Variants in FLNB observed in about 807,000 individuals in gnomAD.
The protein encoded by FLNB is filamin B, also known as filamin-B.
Under a neutral mutation model 250.6 loss-of-function variants are expected in FLNB, and 111 were observed. That is an observed-to-expected ratio of 0.44 (90% CI 0.38 to 0.52). FLNB has a LOEUF of 0.52. Ranked by LOEUF, FLNB falls within the 20% of genes least tolerant of loss-of-function variation. The pLI is 0.00. For synonymous variants in FLNB, 1,302 were observed against 1,372.1 expected, an observed-to-expected ratio of 0.95 and a Z score of 1.13; for missense variants, 2,869 against 3,447.8, an observed-to-expected ratio of 0.83 and a Z score of 4.20.
At chr3:58,154,207 G>T (rs148702992) in intron 39 of FLNB, among the ~76,000 whole-genome samples, 16 of 152,184 alleles carry the variant, frequency 1.1e-4, no homozygotes, top group African/African-American at 3.1e-4. Context: ...GCCTCCTAAA[G>T]TGCTGGGATT....
At chr3:58,025,412 A>G (rs2097122207) in intron 1 of FLNB, among the ~76,000 whole-genome samples, 1 of 151,952 alleles carries the variant, frequency 6.6e-6, no homozygotes. Context: ...TTACAGGCAT[A>G]AGCCTCTGCA....
chr3:58,158,145 A>G (rs2097356134), intron 41 of FLNB, among the ~76,000 whole-genome samples: 1 of 151,772 alleles, frequency 6.6e-6, no homozygotes, highest in African/African-American at 2.4e-5. Context: ...GTGATCAAAG[A>G]CCCTCTAATT....
chr3:58,021,633 A>G (rs950569879), intron 1 of FLNB, among the ~76,000 whole-genome samples: 12 of 152,122 alleles, frequency 7.9e-5, no homozygotes, highest in African/African-American at 2.9e-4. Flanking sequence ...CAGGTGTCAC[A>G]TTACACTTCC....
intron 1 of FLNB, among the ~76,000 whole-genome samples, chr3:58,011,059 C>T (rs2097097937): frequency 6.6e-6 from 1 of 152,120 alleles, no homozygotes; most frequent in Non-Finnish European, 1.5e-5. Flanking sequence ...GAATTACAGG[C>T]ACATGCCACC....
intron 24 of FLNB, among the ~76,000 whole-genome samples, chr3:58,129,493 A>G (rs1254038079): frequency 6.6e-6 from 1 of 152,116 alleles, no homozygotes. Flanking sequence ...TGAAATCCTC[A>G]ACTGTCACTC....
chr3:58,136,614 A>C (rs2107226761), intron 28 of FLNB, among the ~76,000 whole-genome samples: 1 of 152,206 alleles, frequency 6.6e-6, no homozygotes, highest in East Asian at 1.9e-4. Flanking sequence ...TTTTTTCATC[A>C]TGCATATGTA....
Position 58,169,373 on chromosome 3 carries a change from C to T in FLNB, c.7418-217C>T, listed in dbSNP as rs2097377107. On this transcript the variant is annotated intron_variant, in intron 44 of 45. Coordinates refer to ENST00000295956, the MANE Select transcript of FLNB (RefSeq NM_001457.4). The surrounding 1 kb of genome is among the most constrained non-coding windows in gnomAD (Gnocchi z 4.8). ...TGGCCTTGTCAGCCAAGGCCAGACT[C>T]ATCCATTTGCCCAGAAAGCCAGATC... 1 of 593,448 alleles carries T rather than the reference C, an allele frequency of 1.7e-6. No individual in the cohort carries two copies. The highest frequency in any genetic ancestry group is 3.1e-6 in the Non-Finnish European group (1 of 326,216). The allele number at this position is 593,448 out of a possible 1,614,324, so 36.8% of individuals were successfully genotyped here. A position where few individuals can be genotyped will look rare whatever the true frequency, so the allele number is the denominator to read the frequency against.
intron 4 of FLNB, among the ~76,000 whole-genome samples, chr3:58,089,096 A>G (rs1305007823): frequency 6.6e-6 from 1 of 151,820 alleles, no homozygotes; most frequent in African/African-American, 2.4e-5. Flanking sequence ...GATACCCCAA[A>G]TATCCAGTTT....
intron 1 of FLNB, among the ~76,000 whole-genome samples, chr3:58,011,532 C>T (rs1350114687): frequency 1.3e-5 from 2 of 152,146 alleles, no homozygotes; most frequent in Admixed American, 1.3e-4. Flanking sequence ...CTGGCAAGTG[C>T]CAGGACTGCT....
At chr3:58,081,870 AATAG>A in intron 4 of FLNB, 94 bp downstream of exon 4, 1 of 1,367,568 alleles carries the variant, frequency 7.3e-7, no homozygotes, top group Non-Finnish European at 1.0e-6. Context: ...TAGAATCAAA[AATAG>A]ATAGGTGTAA....
chr3:58,129,887 G>C (rs115179655), intron 24 of FLNB, among the ~76,000 whole-genome samples: 2 of 152,200 alleles, frequency 1.3e-5, no homozygotes, highest in African/African-American at 4.8e-5. Flanking sequence ...GTCCATGAGT[G>C]TCCTTGGCCT....
Position 58,143,571 on chromosome 3 carries a change from C to G in FLNB, c.5383C>G (p.Leu1795Val), listed in dbSNP as rs776084940. The G allele has an allele frequency of 6.2e-7, 1 of 1,614,174 alleles. No individual in the cohort carries two copies. The change falls in exon 32 of 46, where the codon CTC (leucine) becomes GTC (valine). Residue 1795 changes from leucine (L) to valine (V), a missense_variant. Leu to Val is a conservative substitution (Grantham distance 32). Coordinates refer to ENST00000295956, the MANE Select transcript of FLNB (RefSeq NM_001457.4). The stretch of plus-strand genomic sequence containing the variant: ...TAGATATGCCCCCACTGAGGTCGGG[C>G]TCCATGAGATGCACATCAAATACAT... ...TVRYAPTEVG[L>V]HEMHIKYMGS... is the part of the protein sequence containing the mutation.
intron 33 of FLNB, 97 bp downstream of exon 33, chr3:58,146,146 A>AGGCCGGGCGCGGTGGCTC: frequency 7.6e-7 from 1 of 1,308,890 alleles, no homozygotes; most frequent in Non-Finnish European, 1.1e-6. Flanking sequence ...GAGACAATCG[A>AGGCCGGGCGCGGTGGCTC]ATGGTAGTAT....
intron 1 of FLNB, among the ~76,000 whole-genome samples, chr3:58,042,888 T>G (rs982709698): frequency 6.6e-6 from 1 of 152,128 alleles, no homozygotes; most frequent in Non-Finnish European, 1.5e-5. Flanking sequence ...GATTTTCTAC[T>G]GGGAATGTTT....
intron 14 of FLNB, 69 bp downstream of exon 14, chr3:58,109,391 T>C: frequency 1.3e-6 from 2 of 1,586,540 alleles, no homozygotes; most frequent in Non-Finnish European, 1.7e-6. Flanking sequence ...CTGGGATCCA[T>C]GCCTGACAGC....
intron 24 of FLNB, among the ~76,000 whole-genome samples, chr3:58,128,198 C>A: frequency 6.6e-6 from 1 of 152,150 alleles, no homozygotes. Context: ...GTCCACTGAC[C>A]ACACGCTTTC....
At chr3:58,058,152 G>A (rs984188105) in intron 1 of FLNB, among the ~76,000 whole-genome samples, 1 of 152,122 alleles carries the variant, frequency 6.6e-6, no homozygotes, top group East Asian at 1.9e-4. Flanking sequence ...GCATGTGAGC[G>A]TTTTATCTTT....
chr3:58,099,005 A>T, intron 8 of FLNB, 97 bp downstream of exon 8: 1 of 1,012,174 alleles, frequency 9.9e-7, no homozygotes, highest in Non-Finnish European at 1.6e-6. Context: ...CCCAACATTG[A>T]CCTTATGCCT....
At chr3:58,012,376 C>T (rs916305880) in intron 1 of FLNB, among the ~76,000 whole-genome samples, 1 of 152,044 alleles carries the variant, frequency 6.6e-6, no homozygotes, top group African/African-American at 2.4e-5. Flanking sequence ...GGAGTGAAGC[C>T]ACTTGTGGAG....
Sources: gnomAD v4.1 joint callset for allele counts (sites outside exome capture counted in the v4.1 genomes callset) on GRCh38, gnomAD v4.1.1 for gene constraint, Gnocchi (gnomAD v3.1) non-coding constraint, MANE v1.5 for transcripts, NCBI Gene and HGNC (gene_info 2026-07-23, HGNC 2026-07-21) for gene names.